Variants in UEVLD observed in about 807,000 individuals in gnomAD.
UEVLD encodes ubiquitin-conjugating enzyme E2 variant 3.
Under a neutral mutation model 58.6 loss-of-function variants are expected in UEVLD, and 47 were observed. The observed-to-expected ratio is 0.80, with a 90% confidence interval of 0.63 to 1.02. The LOEUF (loss-of-function observed/expected upper bound fraction) is 1.02. Ranked by LOEUF, UEVLD falls within the 50% of genes least tolerant of loss-of-function variation. The pLI is 0.00. For synonymous variants in UEVLD, 197 were observed against 195.3 expected, an observed-to-expected ratio of 1.01 and a Z score of -0.07; for missense variants, 510 against 550.6, an observed-to-expected ratio of 0.93 and a Z score of 0.74.
At chr11:18,568,435 C>T (rs1474768083) in intron 4 of UEVLD, among the ~76,000 whole-genome samples, 2 of 152,174 alleles carry the variant, frequency 1.3e-5, no homozygotes, top group East Asian at 3.9e-4. Context: ...GAGAAACAGA[C>T]AATTCAAAAA....
intron 1 of UEVLD, among the ~76,000 whole-genome samples, chr11:18,581,093 C>A (rs558352987): frequency 2.7e-5 from 4 of 147,654 alleles, no homozygotes; most frequent in Non-Finnish European, 5.9e-5. Context: ...ACCCAGGAGG[C>A]GGAGGTTGCA....
At position 18,547,040 on chromosome 11, in the gene UEVLD, G is replaced by A; in HGVS notation, c.726C>T (p.Ala242=). 1.2e-6 allele frequency: 2 copies of A among 1,611,010 alleles called. No individual in the cohort carries two copies. The highest frequency in any genetic ancestry group is 2.2e-5 in the South Asian group (2 of 90,272). Residue 242 remains alanine, a synonymous_variant, in exon 8 of 12, where the codon GCC becomes GCT. Coordinates refer to ENST00000396197, the MANE Select transcript of UEVLD (RefSeq NM_001040697.4). ...PNVEISKDLS[A]SAHSKVVIFT... is the part of the protein sequence containing the mutation. ...AGATCACCACCTTGGAATGAGCAGA[G>A]GCAGACAAATCTAGTGAATGAAAAG... is the stretch of plus-strand genomic sequence containing the variant.
chr11:18,582,377 G>A (rs1452136579), intron 1 of UEVLD, among the ~76,000 whole-genome samples: 1 of 46,588 alleles, frequency 2.1e-5, no homozygotes, highest in Non-Finnish European at 3.9e-5. Context: ...AAAAGTACCT[G>A]TTTTATCTGT....
chr11:18,557,740 C>T (rs1851821044), intron 7 of UEVLD, among the ~76,000 whole-genome samples: 1 of 151,680 alleles, frequency 6.6e-6, no homozygotes, highest in South Asian at 2.1e-4. Flanking sequence ...AATTTTTTTT[C>T]TTATTCTTGG....
chr11:18,566,017 G>T (rs565800999), intron 5 of UEVLD, among the ~76,000 whole-genome samples: 390 of 149,532 alleles, frequency 2.6e-3, no homozygotes, highest in African/African-American at 9.3e-3. Context: ...TCCCACCTCA[G>T]CCACCCAAGT....
intron 6 of UEVLD, 32 bp downstream of exon 6, chr11:18,564,860 T>C: frequency 6.7e-7 from 1 of 1,495,366 alleles, no homozygotes; most frequent in Non-Finnish European, 9.3e-7. Flanking sequence ...GGCACTATGA[T>C]AGATGTATTT....
At chr11:18,536,551 G>A in intron 9 of UEVLD, 82 bp from the exon 10 acceptor site, 1 of 1,168,246 alleles carries the variant, frequency 8.6e-7, no homozygotes, top group Admixed American at 1.8e-5. Flanking sequence ...TGGAGTCAAG[G>A]GTACCTGTGC....
At chr11:18,544,891 G>A (rs1851223521) in intron 8 of UEVLD, 95 bp from the exon 9 acceptor site, 1 of 848,546 alleles carries the variant, frequency 1.2e-6, no homozygotes, top group African/African-American at 1.8e-5. Context: ...AAGTATATTA[G>A]GTCCTCAATG....
intron 7 of UEVLD, among the ~76,000 whole-genome samples, chr11:18,556,494 T>G (rs1235935510): frequency 6.6e-6 from 1 of 152,214 alleles, no homozygotes; most frequent in Non-Finnish European, 1.5e-5. Flanking sequence ...TATTGAGGCT[T>G]GTAATACTGT....
At chr11:18,547,547 C>G (rs1218188151) in intron 7 of UEVLD, among the ~76,000 whole-genome samples, 1 of 151,900 alleles carries the variant, frequency 6.6e-6, no homozygotes, top group Non-Finnish European at 1.5e-5. Context: ...GAGTGTATCC[C>G]CAGGGGGGAA....
chr11:18,580,123 T>C (rs1374107471), intron 1 of UEVLD, among the ~76,000 whole-genome samples: 1 of 137,968 alleles, frequency 7.2e-6, no homozygotes, highest in African/African-American at 2.8e-5. Context: ...GCCAAAACGA[T>C]CAGGAAAAAG....
At position 18,588,606 on chromosome 11, in the gene UEVLD, C is replaced by T. The variant is rs770086191; in HGVS notation, c.42+7G>A. On this transcript the variant is annotated splice_region_variant and intron_variant, in intron 1 of 11. Coordinates refer to ENST00000396197, the MANE Select transcript of UEVLD (RefSeq NM_001040697.4). ...GGACCCAAACTGGCCCAGCGGACTGCCCGCACCTTGCCAAGCAGCCGTCTC... is the reference window on the plus strand; with the variant it reads ...GGACCCAAACTGGCCCAGCGGACTGTCCGCACCTTGCCAAGCAGCCGTCTC... 12 of 1,609,954 alleles carry T rather than the reference C, an allele frequency of 7.5e-6. 1 individual carries two copies. In the East Asian group the frequency reaches 2.2e-4, roughly 30 times the overall value.
At chr11:18,588,509 C>A in intron 1 of UEVLD, 104 bp downstream of exon 1, 1 of 1,390,534 alleles carries the variant, frequency 7.2e-7, no homozygotes, top group Non-Finnish European at 9.8e-7. Flanking sequence ...GCTCCAAGCC[C>A]CACTACAAGC....
At chr11:18,532,553 A>T in intron 11 of UEVLD, 66 bp from the exon 12 acceptor site, 3 of 1,322,148 alleles carry the variant, frequency 2.3e-6, no homozygotes, top group Non-Finnish European at 3.0e-6. Context: ...ACAAAAATGC[A>T]TACTTTCTTG....
intron 1 of UEVLD, among the ~76,000 whole-genome samples, chr11:18,585,795 G>A (rs903335162): frequency 3.3e-5 from 5 of 152,112 alleles, no homozygotes; most frequent in Admixed American, 6.6e-5. Context: ...CCACCACCAT[G>A]CCCAGTTTTT....
intron 7 of UEVLD, among the ~76,000 whole-genome samples, chr11:18,551,422 C>CAAAA (rs34545423): frequency 3.0e-5 from 2 of 67,374 alleles, no homozygotes; most frequent in Non-Finnish European, 6.0e-5. Flanking sequence ...GACTCCATCA[C>CAAAA]AAAAAAAAAA....
At chr11:18,588,369 T>C (rs1853695253) in intron 1 of UEVLD, among the ~76,000 whole-genome samples, 1 of 152,004 alleles carries the variant, frequency 6.6e-6, no homozygotes, top group Non-Finnish European at 1.5e-5. Flanking sequence ...TCAGTGAAGC[T>C]GGGGGTATGA....
chr11:18,585,818 A>G lies in UEVLD; in HGVS notation c.42+2795T>C, dbSNP rs1853524625. 4.6e-5 allele frequency among the ~76,000 whole-genome samples: 7 copies of G among 151,988 alleles called. No homozygotes were observed. The South Asian group carries it at 1.5e-3, about 32-fold the overall frequency. ...ATGCCCAGTTTTTACATTTTTTAGG[A>G]GAGACGAGGTTTCACCATGTTGGCC... On this transcript the variant is annotated intron_variant, in intron 1 of 11. Coordinates refer to ENST00000396197, the MANE Select transcript of UEVLD (RefSeq NM_001040697.4).
At chr11:18,561,765 G>A (rs1464304725) in intron 6 of UEVLD, among the ~76,000 whole-genome samples, 3 of 151,584 alleles carry the variant, frequency 2.0e-5, no homozygotes, top group Non-Finnish European at 2.9e-5. Flanking sequence ...CAGGAGGCAG[G>A]AGGTTGCAGT....
Sources: allele counts gnomAD v4.1 joint callset (sites outside exome capture counted in the v4.1 genomes callset), GRCh38; gene constraint gnomAD v4.1.1; transcripts MANE v1.5; gene names NCBI Gene and HGNC (gene_info 2026-07-23, HGNC 2026-07-21).